ABHD3: variants seen among roughly 807,000 people sequenced by gnomAD.
ABHD3 encodes the protein phospholipase ABHD3.
In ABHD3, 46 loss-of-function variants were observed where a neutral mutation model predicts 48.8. The observed-to-expected ratio is 0.94, with a 90% CI of 0.74 to 1.20. The LOEUF (loss-of-function observed/expected upper bound fraction) is 1.20. Among genes scored for constraint, ABHD3 ranks in the 50% most tolerant of loss-of-function variants. The probability of loss-of-function intolerance (pLI) is 0.00; values close to 1 mark genes in which losing one functional copy is unlikely to be tolerated. For synonymous variants in ABHD3, 192 were observed against 183.7 expected (o/e 1.04, Z -0.36); for missense variants, 490 against 497.8 (o/e 0.98, Z 0.15).
At chr18:21,660,182 T>TC (rs2039459429) in intron 5 of ABHD3, among the ~76,000 whole-genome samples, 1 of 141,676 alleles carries the variant, frequency 7.1e-6, no homozygotes, top group African/African-American at 2.7e-5. Context: ...GAGGTCTCAC[T>TC]ATGTTGCTCA....
At chr18:21,658,842 T>G (rs1165143794) in intron 6 of ABHD3, among the ~76,000 whole-genome samples, 2 of 150,912 alleles carry the variant, frequency 1.3e-5, no homozygotes, top group African/African-American at 2.4e-5. Flanking sequence ...ACAATAGTTT[T>G]TTTTTTTTTT....
At chr18:21,681,222 T>C (rs58270243) in intron 4 of ABHD3, among the ~76,000 whole-genome samples, 3,733 of 152,202 alleles carry the variant, frequency 0.025, 162 homozygotes, top group African/African-American at 0.086. Context: ...ACCGGGATTA[T>C]CTAAAAGCAC....
Position 21,654,519 on chromosome 18 carries a change from C to T in ABHD3, c.1057+2342G>A, listed in dbSNP as rs189051253. 1.8e-4 allele frequency among the ~76,000 whole-genome samples: 27 copies of T among 152,258 alleles called. No individual in the cohort carries two copies. The East Asian group carries it at 1.9e-3, about 11-fold the overall frequency. ...CTGAGTTCACGTCCTTAGCTAGCCA[C>T]GTCCGTCCCAAGAAAGAACACCTAA... On this transcript the variant is annotated intron_variant, in intron 8 of 8. Coordinates refer to ENST00000289119, the MANE Select transcript of ABHD3 (RefSeq NM_138340.5).
At chr18:21,702,585 T>G (rs1598570206) in intron 2 of ABHD3, 87 bp from the exon 3 acceptor site, 7 of 1,203,254 alleles carry the variant, frequency 5.8e-6, no homozygotes, top group Non-Finnish European at 5.6e-6. Context: ...CATTATTTGC[T>G]CATCAAAAAA....
At chr18:21,688,464 A>G (rs938871749) in intron 3 of ABHD3, among the ~76,000 whole-genome samples, 24 of 150,784 alleles carry the variant, frequency 1.6e-4, no homozygotes, top group African/African-American at 5.9e-4. Flanking sequence ...ATGAATATTA[A>G]TATTGGAATA....
chr18:21,679,947 T>C (rs2039969923), intron 4 of ABHD3, among the ~76,000 whole-genome samples: 1 of 152,210 alleles, frequency 6.6e-6, no homozygotes, highest in Non-Finnish European at 1.5e-5. Context: ...GTGCTGGGAT[T>C]ACAGGCATGA....
At chr18:21,665,764 A>G (rs1323571229) in intron 4 of ABHD3, among the ~76,000 whole-genome samples, 1 of 151,306 alleles carries the variant, frequency 6.6e-6, no homozygotes, top group Non-Finnish European at 1.5e-5. Context: ...GTGAGCTGAG[A>G]TCACGCCACT....
intron 3 of ABHD3, among the ~76,000 whole-genome samples, chr18:21,685,023 T>C (rs571368689): frequency 6.6e-6 from 1 of 152,332 alleles, no homozygotes; most frequent in South Asian, 2.1e-4. Context: ...GTTTCAAAAG[T>C]TATTCAGTAT....
chr18:21,667,897 T>C (rs575970995), intron 4 of ABHD3, among the ~76,000 whole-genome samples: 7 of 151,860 alleles, frequency 4.6e-5, no homozygotes, highest in Non-Finnish European at 1.0e-4. Context: ...ACGTAAAATC[T>C]AAATAGAAAA....
At chr18:21,681,904 G>A (rs995686628) in intron 4 of ABHD3, among the ~76,000 whole-genome samples, 4 of 152,044 alleles carry the variant, frequency 2.6e-5, no homozygotes, top group African/African-American at 9.7e-5. Flanking sequence ...TGGGAGCATC[G>A]CTTGAGCCCA....
intron 3 of ABHD3, among the ~76,000 whole-genome samples, chr18:21,696,738 T>G (rs72886623): frequency 0.2 from 29,366 of 147,502 alleles, 2,990 homozygotes; most frequent in Middle Eastern, 0.29. Flanking sequence ...TTAGTTTTGG[T>G]TTTTTTTTGG....
chr18:21,686,575 A>C (rs2040133066), intron 3 of ABHD3, among the ~76,000 whole-genome samples: 1 of 152,232 alleles, frequency 6.6e-6, no homozygotes, highest in African/African-American at 2.4e-5. Context: ...CAACTTTGGA[A>C]AGTGGATCAT....
chr18:21,665,833 G>T (rs1330137493), intron 4 of ABHD3, among the ~76,000 whole-genome samples: 1 of 151,104 alleles, frequency 6.6e-6, no homozygotes, highest in East Asian at 2.0e-4. Flanking sequence ...AAAGCAAAAG[G>T]GGCTTTTCAA....
At chr18:21,691,110 C>T (rs2040242959) in intron 3 of ABHD3, among the ~76,000 whole-genome samples, 1 of 150,682 alleles carries the variant, frequency 6.6e-6, no homozygotes, top group Non-Finnish European at 1.5e-5. Flanking sequence ...AGATATATCA[C>T]ACAAACACTC....
chr18:21,702,166 G>C (rs2040526905), intron 3 of ABHD3, 150 bp downstream of exon 3: 9 of 671,222 alleles, frequency 1.3e-5, no homozygotes, highest in South Asian at 2.9e-5. Context: ...TGAAAAGAAA[G>C]AGGAAAAAAA....
At chr18:21,653,830 AG>A in intron 8 of ABHD3, among the ~76,000 whole-genome samples, 1 of 149,018 alleles carries the variant, frequency 6.7e-6, no homozygotes, top group Non-Finnish European at 1.5e-5. Context: ...CAGGAGTTTA[AG>A]GCTGCAGTAA....
chr18:21,700,719 G>A (rs936224500), intron 3 of ABHD3, among the ~76,000 whole-genome samples: 1 of 151,400 alleles, frequency 6.6e-6, no homozygotes, highest in African/African-American at 2.4e-5. Flanking sequence ...TTTAAAAGCA[G>A]TTCTAAGTCT....
chr18:21,703,219 C>T (rs1258404054), intron 2 of ABHD3, among the ~76,000 whole-genome samples: 1 of 63,050 alleles, frequency 1.6e-5, no homozygotes, highest in African/African-American at 6.5e-5. Context: ...TCTCACCCCA[C>T]CCCCCCCCCC....
At chr18:21,704,365 G>C in intron 1 of ABHD3, 139 bp downstream of exon 1, 1 of 946,180 alleles carries the variant, frequency 1.1e-6, no homozygotes, top group Middle Eastern at 4.0e-4. Context: ...TCCCGCGCGC[G>C]CTGGGGGCTG....
Sources: allele counts gnomAD v4.1 joint callset (sites outside exome capture counted in the v4.1 genomes callset), GRCh38; gene constraint gnomAD v4.1.1; transcripts MANE v1.5; gene names NCBI Gene and HGNC (gene_info 2026-07-23, HGNC 2026-07-21).